Variants in ARNT2 observed in about 807,000 individuals in gnomAD.
The protein encoded by ARNT2 is ARNT protein 2.
A neutral mutation model predicts 91.7 loss-of-function variants in ARNT2; 36 were observed. The ratio of observed to expected loss-of-function variants is 0.39; its 90% CI spans 0.30 to 0.52. ARNT2 has a LOEUF of 0.52. ARNT2 is among the 20% of genes least tolerant of loss of function. The pLI is 0.72. For synonymous variants in ARNT2, 365 were observed against 347.1 expected, an observed-to-expected ratio of 1.05 and a Z score of -0.57; for missense variants, 775 against 939.3, an observed-to-expected ratio of 0.83 and a Z score of 2.29.
intron 2 of ARNT2, among the ~76,000 whole-genome samples, chr15:80,451,258 C>A (rs1896385479): frequency 6.6e-6 from 1 of 152,226 alleles, no homozygotes; most frequent in African/African-American, 2.4e-5. Context: ...CTCAGGCCAT[C>A]TGAAGGGAGA....
chr15:80,538,399 A>AT (rs376440834), intron 8 of ARNT2, among the ~76,000 whole-genome samples: 1 of 152,116 alleles, frequency 6.6e-6, no homozygotes, highest in South Asian at 2.1e-4. Context: ...TGGAAAGCCC[A>AT]TTTTTTTAAT....
chr15:80,508,475 A>G (rs1897302638), intron 6 of ARNT2, among the ~76,000 whole-genome samples: 2 of 151,938 alleles, frequency 1.3e-5, no homozygotes, highest in Non-Finnish European at 2.9e-5. Flanking sequence ...CTAATTTCCT[A>G]CCATTTTCTT....
chr15:80,552,493 A>G (rs1028389705), intron 9 of ARNT2, 147 bp from the exon 10 acceptor site: 21 of 972,738 alleles, frequency 2.2e-5, no homozygotes, highest in Non-Finnish European at 3.1e-5. Context: ...CCAGGGATAG[A>G]TATTTGAACA....
At chr15:80,527,481 G>A (rs374484120) in intron 8 of ARNT2, among the ~76,000 whole-genome samples, 6 of 152,340 alleles carry the variant, frequency 3.9e-5, no homozygotes, top group African/African-American at 1.2e-4. Context: ...GGAGATGTGG[G>A]AATTGGCTGG....
rs536554405 is a variant in ARNT2 at position 80,597,387 on chromosome 15, C to T, written c.*3689C>T. On this transcript the variant is annotated 3_prime_UTR_variant, in exon 19 of 19. Transcript: ENST00000303329. ...CCTTTATATTACCAGAAAATATGGG[C>T]TTGGCCTAAGTCGCTGTCTCCTAAC... 1 of 479,578 alleles carries T rather than the reference C, an allele frequency of 2.1e-6. No homozygotes were observed. Among genetic ancestry groups the T allele is most frequent in the African/African-American group, 2.0e-5 (1 of 50,958 alleles). The allele number at this position is 479,578 out of a possible 1,614,324, so 29.7% of individuals were successfully genotyped here.
rs568310673 is a variant in ARNT2, at chr15:80,512,092, G to A, written c.726-1819G>A. 2.7e-4 allele frequency among the ~76,000 whole-genome samples: 41 copies of A among 152,270 alleles called. No homozygotes were observed. In the South Asian group the frequency reaches 3.7e-3, roughly 14 times the overall value. Reference sequence around the variant, plus strand: ...GCGTACTATGAATTTCCAAACAATAGGTGCTTTAAAATAAGTATCTATTTT... The same window carrying A: ...GCGTACTATGAATTTCCAAACAATAAGTGCTTTAAAATAAGTATCTATTTT... On this transcript the variant is annotated intron_variant, in intron 6 of 18. Coordinates refer to ENST00000303329, the MANE Select transcript of ARNT2 (RefSeq NM_014862.4).
At chr15:80,459,315 G>T (rs8041214) in intron 3 of ARNT2, among the ~76,000 whole-genome samples, 265 of 152,210 alleles carry the variant, frequency 1.7e-3, no homozygotes, top group African/African-American at 6.1e-3. Context: ...TTCCCTCGGT[G>T]CAGACAGAAT....
intron 3 of ARNT2, 73 bp from the exon 4 acceptor site, chr15:80,470,145 C>A: frequency 1.4e-6 from 2 of 1,405,948 alleles, no homozygotes; most frequent in Non-Finnish European, 9.8e-7. Flanking sequence ...ATGGTTTTAT[C>A]CCATTAGATA....
chr15:80,487,320 C>T (rs1389125348), intron 5 of ARNT2, among the ~76,000 whole-genome samples: 2 of 152,204 alleles, frequency 1.3e-5, no homozygotes, highest in African/African-American at 4.8e-5. Flanking sequence ...CAGAGCTGGG[C>T]ACAATCCAGA....
intron 1 of ARNT2, among the ~76,000 whole-genome samples, chr15:80,416,754 G>C (rs1273164626): frequency 6.6e-6 from 1 of 152,116 alleles, no homozygotes; most frequent in Non-Finnish European, 1.5e-5. Context: ...TTGGAGTTGC[G>C]CTTTTCTAAA....
At position 80,516,589 on chromosome 15, in the gene ARNT2, T is replaced by A. The variant is rs377728889; in HGVS notation, c.877+2184T>A. Among the ~76,000 whole-genome samples, 30 of 151,970 alleles carry A rather than the reference T, an allele frequency of 2.0e-4. No homozygotes were observed. In the South Asian group the frequency reaches 6.2e-3, roughly 32 times the overall value. ...TAAAGTTGGTTTCTTGTAAACAACA[T>A]ATAGTTGGATCTAGTTTTTTAATCC... On this transcript the variant is annotated intron_variant, in intron 8 of 18. Coordinates refer to ENST00000303329, the MANE Select transcript of ARNT2 (RefSeq NM_014862.4).
chr15:80,591,731 G>A lies in ARNT2; in HGVS notation c.2055+27G>A, dbSNP rs774313626. On this transcript the variant is annotated intron_variant, in intron 18 of 18. Transcript: ENST00000303329. The surrounding 1 kb of genome is among the most constrained non-coding windows in gnomAD (Gnocchi z 5.1). The stretch of plus-strand genomic sequence containing the variant: ...TAAATCGAGCGAGCACCGCCTTCTC[G>A]TAGGTACCGGCGCCTTCTCTCTGCT... 3.2e-5 allele frequency: 51 copies of A among 1,612,940 alleles called. No individual in the cohort carries two copies. Among genetic ancestry groups the A allele is most frequent in the East Asian group, 6.7e-5 (3 of 44,840 alleles).
chr15:80,472,787 T>C (rs183947329), intron 4 of ARNT2, among the ~76,000 whole-genome samples: 254 of 152,314 alleles, frequency 1.7e-3, no homozygotes, highest in African/African-American at 5.9e-3. Flanking sequence ...GCCTGAGGTA[T>C]AATGAAGGGT....
At chr15:80,417,451 A>C (rs1365318435) in intron 1 of ARNT2, among the ~76,000 whole-genome samples, 2 of 152,128 alleles carry the variant, frequency 1.3e-5, no homozygotes, top group Non-Finnish European at 2.9e-5. Context: ...GGAGGTTATA[A>C]TTTGTCTGCA....
chr15:80,509,517 T>A (rs900750483), intron 6 of ARNT2, among the ~76,000 whole-genome samples: 2 of 152,180 alleles, frequency 1.3e-5, no homozygotes, highest in Non-Finnish European at 2.9e-5. Flanking sequence ...GAATTCATTT[T>A]AGTAGGGGTG....
intron 8 of ARNT2, 30 bp downstream of exon 8, chr15:80,514,435 G>A (rs144175460): frequency 3.0e-4 from 479 of 1,599,170 alleles, no homozygotes; most frequent in Middle Eastern, 2.2e-3. Context: ...AATTCCACGG[G>A]AACTGGGTGC....
At chr15:80,417,481 A>T (rs986808061) in intron 1 of ARNT2, among the ~76,000 whole-genome samples, 1 of 152,146 alleles carries the variant, frequency 6.6e-6, no homozygotes, top group East Asian at 1.9e-4. Context: ...CGAATTTTCC[A>T]TTCTGAGAAT....
chr15:80,591,518 A>C lies in ARNT2; in HGVS notation c.1919-50A>C, dbSNP rs746087120. The C allele has an allele frequency of 1.1e-5, 17 of 1,608,940 alleles. No individual in the cohort carries two copies. In the East Asian group the frequency reaches 3.8e-4, roughly 36 times the overall value. ...CCGCAGTGGTTCTTAGGTCTCACAG[A>C]ACCACGGGATGGCTTTTAAAGGAAG... On this transcript the variant is annotated intron_variant, in intron 17 of 18. Transcript: ENST00000303329. The surrounding 1 kb of genome is among the most constrained non-coding windows in gnomAD (Gnocchi z 5.1).
At chr15:80,580,607 G>T in intron 16 of ARNT2, 58 bp downstream of exon 16, 1 of 1,608,008 alleles carries the variant, frequency 6.2e-7, no homozygotes, top group Non-Finnish European at 8.5e-7. Flanking sequence ...AGCACTCTGG[G>T]AAGTGTTTTC....
Sources: allele counts gnomAD v4.1 joint callset (sites outside exome capture counted in the v4.1 genomes callset), GRCh38; gene constraint gnomAD v4.1.1; non-coding constraint Gnocchi (gnomAD v3.1); transcripts MANE v1.5; gene names NCBI Gene and HGNC (gene_info 2026-07-23, HGNC 2026-07-21).